Variants in SOX6 observed in about 807,000 individuals in gnomAD.
SOX6 encodes transcription factor SOX-6.
A neutral mutation model predicts 97.8 loss-of-function variants in SOX6; 11 were observed. That is an observed-to-expected ratio of 0.11 (90% CI 0.07 to 0.19). SOX6 has a LOEUF of 0.19. SOX6 is among the 10% of genes least tolerant of loss of function. SOX6 has a pLI of 1.00. For synonymous variants in SOX6, 360 were observed against 371.4 expected (o/e 0.97, Z 0.35); for missense variants, 810 against 1,039.5 (o/e 0.78, Z 3.04).
chr11:16,340,864 T>C (rs1856607106), intron 2 of SOX6, 148 bp downstream of exon 2: 3 of 1,099,670 alleles, frequency 2.7e-6, no homozygotes, highest in Admixed American at 4.5e-5. Flanking sequence ...TTCCAGTTAT[T>C]AGTATCTTAG....
chr11:16,305,109 C>T (rs975912375), intron 3 of SOX6, among the ~76,000 whole-genome samples: 1 of 151,974 alleles, frequency 6.6e-6, no homozygotes, highest in African/African-American at 2.4e-5. Flanking sequence ...TGTGAAAGCC[C>T]ATGTAAAGAG....
intron 6 of SOX6, among the ~76,000 whole-genome samples, chr11:16,136,312 TTGGATTAAGGTATGTACA>T (rs1849959791): frequency 6.6e-6 from 1 of 151,632 alleles, no homozygotes; most frequent in South Asian, 2.1e-4. Flanking sequence ...TATAGTATTT[TTGGATTAAGGTATGTACA>T]TTGTGTGTGT....
At chr11:16,336,936 C>T (rs907178707) in intron 2 of SOX6, among the ~76,000 whole-genome samples, 5 of 152,140 alleles carry the variant, frequency 3.3e-5, no homozygotes, top group Admixed American at 1.3e-4. Flanking sequence ...TCCAAAATAA[C>T]TTCCCCAGTC....
At chr11:16,475,726 C>T (rs1264809292) in intron 1 of SOX6, among the ~76,000 whole-genome samples, 2 of 152,050 alleles carry the variant, frequency 1.3e-5, no homozygotes, top group Non-Finnish European at 1.5e-5. Flanking sequence ...ATGAAGTGAG[C>T]ACATGCTGTT....
At chr11:16,657,893 A>C (rs1028948088) in intron 3 of SOX6, among the ~76,000 whole-genome samples, 1 of 152,180 alleles carries the variant, frequency 6.6e-6, no homozygotes, top group African/African-American at 2.4e-5. Flanking sequence ...ATTTTTACTC[A>C]GTATAATGTT....
chr11:16,421,008 T>C (rs1859010407), intron 1 of SOX6, among the ~76,000 whole-genome samples: 1 of 152,086 alleles, frequency 6.6e-6, no homozygotes, highest in Non-Finnish European at 1.5e-5. Context: ...CTTATTCAGA[T>C]AACGAAGAGA....
At chr11:16,654,422 T>C (rs1424323178) in intron 3 of SOX6, among the ~76,000 whole-genome samples, 1 of 152,142 alleles carries the variant, frequency 6.6e-6, no homozygotes, top group Admixed American at 6.5e-5. Flanking sequence ...TACTTCTCCC[T>C]TGACCTCCCA....
intron 9 of SOX6, among the ~76,000 whole-genome samples, chr11:16,069,954 C>T (rs145896206): frequency 0.039 from 5,955 of 151,956 alleles, 171 homozygotes; most frequent in Non-Finnish European, 0.059. Flanking sequence ...CAGGAGATCG[C>T]GACCATCCTT....
intron 4 of SOX6, among the ~76,000 whole-genome samples, chr11:16,579,865 C>A (rs977923858): frequency 2.6e-5 from 4 of 152,018 alleles, no homozygotes; most frequent in African/African-American, 9.7e-5. Context: ...GTAAATACTG[C>A]CAGATAGTTT....
At chr11:16,514,247 TAATACCACCATGTACA>T in intron 4 of SOX6, among the ~76,000 whole-genome samples, 1 of 142,484 alleles carries the variant, frequency 7.0e-6, no homozygotes, top group South Asian at 2.2e-4. Context: ...TTTAAAAAAA[TAATACCACCATGTACA>T]TATTGTTACA....
Position 15,973,101 on chromosome 11 carries a change from T to C in SOX6, c.2195A>G (p.Gln732Arg), listed in dbSNP as rs768811194. 4.3e-6 allele frequency: 7 copies of C among 1,614,084 alleles called. No individual in the cohort carries two copies. The highest frequency in any genetic ancestry group is 5.9e-6 in the Non-Finnish European group (7 of 1,180,026). Reference sequence around the variant, plus strand: ...ACCTGTTCCTGTGGTGATTGGAATCTGAGGCTGTTGCCTATATAGATTCAA... The same window carrying C: ...ACCTGTTCCTGTGGTGATTGGAATCCGAGGCTGTTGCCTATATAGATTCAA... ...RQFFTVGQQP[Q>R]IPITTGTGVV... The change falls in exon 16 of 16, where the codon CAG (glutamine) becomes CGG (arginine). Residue 732 changes from glutamine to arginine, a missense_variant. By Grantham distance (43) the Gln-to-Arg change is conservative. Transcript: ENST00000683767.
At chr11:16,323,001 G>A (rs912534813) in intron 2 of SOX6, among the ~76,000 whole-genome samples, 1 of 152,220 alleles carries the variant, frequency 6.6e-6, no homozygotes, top group Non-Finnish European at 1.5e-5. Context: ...TGTGGGCACT[G>A]AGTTAGTAAA....
intron 4 of SOX6, among the ~76,000 whole-genome samples, chr11:16,230,593 G>T (rs1358006761): frequency 6.6e-6 from 1 of 151,734 alleles, no homozygotes; most frequent in East Asian, 1.9e-4. Flanking sequence ...CTGAATAAAT[G>T]ACTTTGAATG....
chr11:16,160,390 C>T (rs1474890283), intron 6 of SOX6, among the ~76,000 whole-genome samples: 1 of 152,120 alleles, frequency 6.6e-6, no homozygotes, highest in Non-Finnish European at 1.5e-5. Context: ...CAGGAGCTGA[C>T]AGATGGAAGC....
intron 3 of SOX6, among the ~76,000 whole-genome samples, chr11:16,702,464 T>G (rs1848101834): frequency 6.6e-6 from 1 of 152,164 alleles, no homozygotes; most frequent in African/African-American, 2.4e-5. Flanking sequence ...AAAGCATGCA[T>G]CCATGTACCA....
chr11:16,068,997 T>C (rs944966542), intron 9 of SOX6, among the ~76,000 whole-genome samples: 1 of 152,230 alleles, frequency 6.6e-6, no homozygotes, highest in Non-Finnish European at 1.5e-5. Flanking sequence ...TTAAAACCTC[T>C]TTCATATCCA....
chr11:16,251,858 T>C (rs1440984466), intron 3 of SOX6, among the ~76,000 whole-genome samples: 1 of 152,152 alleles, frequency 6.6e-6, no homozygotes, highest in African/African-American at 2.4e-5. Context: ...AGAGGGTTTA[T>C]TCCAGGAATG....
chr11:16,669,354 C>T (rs1370559050), intron 3 of SOX6, among the ~76,000 whole-genome samples: 1 of 152,096 alleles, frequency 6.6e-6, no homozygotes, highest in Non-Finnish European at 1.5e-5. Flanking sequence ...GGACAACAGC[C>T]CATCCTAGAG....
chr11:16,011,197 G>A (rs977438138), intron 13 of SOX6, among the ~76,000 whole-genome samples: 1 of 152,004 alleles, frequency 6.6e-6, no homozygotes, highest in Non-Finnish European at 1.5e-5. Context: ...TTCAACAGCT[G>A]TTCACTATTC....
Sources: gnomAD v4.1 joint callset for allele counts (sites outside exome capture counted in the v4.1 genomes callset) on GRCh38, gnomAD v4.1.1 for gene constraint, MANE v1.5 for transcripts, NCBI Gene and HGNC (gene_info 2026-07-23, HGNC 2026-07-21) for gene names.